Variants in DOCK8 observed in about 807,000 individuals in gnomAD.
The protein encoded by DOCK8 is dedicator of cytokinesis 8, also known as dedicator of cytokinesis protein 8.
A neutral mutation model predicts 245.6 loss-of-function variants in DOCK8; 141 were observed. The ratio of observed to expected loss-of-function variants is 0.57; its 90% CI spans 0.50 to 0.66. The LOEUF is 0.66. Ranked by LOEUF, DOCK8 falls within the 30% of genes least tolerant of loss-of-function variation. The pLI is 0.00. For synonymous variants in DOCK8, 1,168 were observed against 970.2 expected (o/e 1.20, Z -3.79); for missense variants, 2,965 against 2,603.4 (o/e 1.14, Z -3.02).
intron 26 of DOCK8, among the ~76,000 whole-genome samples, chr9:403,280 A>C (rs1407902159): frequency 1.3e-5 from 2 of 152,178 alleles, no homozygotes; most frequent in African/African-American, 2.4e-5. Context: ...TGTGGGTTCA[A>C]GTTCCGATAG....
intron 28 of DOCK8, among the ~76,000 whole-genome samples, chr9:412,739 A>G (rs183049462): frequency 6.6e-6 from 1 of 152,330 alleles, no homozygotes; most frequent in African/African-American, 2.4e-5. Flanking sequence ...AAAAATGACA[A>G]AACACTGTTG....
chr9:400,964 A>AGCT (rs1564016879), intron 26 of DOCK8, among the ~76,000 whole-genome samples: 64 of 111,512 alleles, frequency 5.7e-4, no homozygotes, highest in Non-Finnish European at 9.1e-4. Flanking sequence ...CACCACCACC[A>AGCT]CCTCCTCCAC....
At chr9:400,333 ACCTCCT>A (rs1378802305) in intron 26 of DOCK8, among the ~76,000 whole-genome samples, 4 of 82,080 alleles carry the variant, frequency 4.9e-5, no homozygotes, top group Non-Finnish European at 9.5e-5. Context: ...CACCACCACC[ACCTCCT>A]CCACCACCAC....
intron 10 of DOCK8, 37 bp from the exon 11 acceptor site, chr9:334,188 T>C (rs563387957): frequency 1.9e-6 from 3 of 1,613,644 alleles, no homozygotes; most frequent in South Asian, 2.2e-5. Context: ...TTGGTGCTGA[T>C]GCTTGTTTCA....
chr9:416,433 T>C (rs1564037381), intron 29 of DOCK8, among the ~76,000 whole-genome samples: 1 of 152,224 alleles, frequency 6.6e-6, no homozygotes, highest in Non-Finnish European at 1.5e-5. Context: ...ATATTCCGTA[T>C]CAGTGACTCG....
intron 33 of DOCK8, among the ~76,000 whole-genome samples, chr9:425,507 C>G (rs1478198819): frequency 6.8e-6 from 1 of 147,374 alleles, no homozygotes; most frequent in African/African-American, 2.6e-5. Context: ...ACTCTGCACT[C>G]CAGCCTGGGC....
intron 29 of DOCK8, 148 bp downstream of exon 29, chr9:415,099 G>A (rs557716603): frequency 8.9e-7 from 1 of 1,127,070 alleles, no homozygotes; most frequent in East Asian, 2.4e-5. Flanking sequence ...CTTTAACACT[G>A]GCCCCAATCA....
chr9:356,143 G>T (rs1439928788), intron 14 of DOCK8, among the ~76,000 whole-genome samples: 2 of 152,128 alleles, frequency 1.3e-5, no homozygotes, highest in East Asian at 3.8e-4. Context: ...ACCACATCCT[G>T]GGTTCCAAGG....
chr9:242,630 T>C (rs989772543), intron 1 of DOCK8, among the ~76,000 whole-genome samples: 2 of 152,164 alleles, frequency 1.3e-5, no homozygotes, highest in African/African-American at 4.8e-5. Context: ...TGAAACTGAG[T>C]ACGGTTATGC....
rs1187310938 is a variant in DOCK8, at chr9:334,454, A to G, written c.1285+70A>G. On this transcript the variant is annotated intron_variant, in intron 11 of 47. Transcript: ENST00000432829. The stretch of plus-strand genomic sequence containing the variant: ...GCGCTGCCCAGGTCCACAGCTTACT[A>G]GCGGGGACTGGGGGCACAGTGAGGT... 4 of 1,538,966 alleles carry G rather than the reference A, an allele frequency of 2.6e-6. No homozygotes were observed. The Admixed American group carries it at 7.6e-5, about 29-fold the overall frequency.
intron 1 of DOCK8, among the ~76,000 whole-genome samples, chr9:238,979 C>A (rs545161221): frequency 1.3e-5 from 2 of 152,224 alleles, no homozygotes; most frequent in African/African-American, 4.8e-5. Flanking sequence ...TTAGACACAC[C>A]GATTCACCTA....
At chr9:335,894 T>C (rs2130890440) in intron 11 of DOCK8, among the ~76,000 whole-genome samples, 1 of 152,352 alleles carries the variant, frequency 6.6e-6, no homozygotes, top group Admixed American at 6.5e-5. Context: ...GGAACTGCTC[T>C]AGTTCTAAGC....
intron 1 of DOCK8, among the ~76,000 whole-genome samples, chr9:216,537 C>CAAAA (rs59529982): frequency 4.3e-4 from 38 of 88,922 alleles, no homozygotes; most frequent in African/African-American, 1.5e-3. Flanking sequence ...AAAAAACAGA[C>CAAAA]AAAAAAAAAA....
In DOCK8 at chr9:446,609, A is replaced by G; in HGVS notation, c.5817+3A>G. Reference sequence around the variant, plus strand: ...TCAGCGTCATCCAGAAGGAGGAGGTAATGCACCCAAGGGATTGGCCACCAC... The same window carrying G: ...TCAGCGTCATCCAGAAGGAGGAGGTGATGCACCCAAGGGATTGGCCACCAC... On this transcript the variant is annotated splice_donor_region_variant and intron_variant, in intron 44 of 47. Coordinates refer to ENST00000432829, the MANE Select transcript of DOCK8 (RefSeq NM_203447.4). 6.2e-7 allele frequency: 1 copy of G among 1,613,950 alleles called. No individual in the cohort carries two copies. The highest frequency in any genetic ancestry group is 2.2e-5 in the East Asian group (1 of 44,862).
chr9:281,469 G>C (rs867925813), intron 2 of DOCK8, among the ~76,000 whole-genome samples: 2 of 151,996 alleles, frequency 1.3e-5, no homozygotes, highest in Non-Finnish European at 2.9e-5. Context: ...TGGCTTTTGA[G>C]CTTCCAGGGA....
chr9:217,172 T>A lies in DOCK8; in HGVS notation c.53+2143T>A, dbSNP rs570239986. On this transcript the variant is annotated intron_variant, in intron 1 of 47. Coordinates refer to ENST00000432829, the MANE Select transcript of DOCK8 (RefSeq NM_203447.4). ...GTTAATGATTTTCATGTTGATTGCATGTTGCTTGTAGTGTCTGGCTCAGAA... is the reference window on the plus strand; with the variant it reads ...GTTAATGATTTTCATGTTGATTGCAAGTTGCTTGTAGTGTCTGGCTCAGAA... Among the ~76,000 whole-genome samples, 9 of 152,348 alleles carry A rather than the reference T, an allele frequency of 5.9e-5. No individual in the cohort carries two copies. The South Asian group carries it at 1.9e-3, about 32-fold the overall frequency.
intron 1 of DOCK8, among the ~76,000 whole-genome samples, chr9:231,575 A>G (rs1472453861): frequency 6.6e-6 from 1 of 151,882 alleles, no homozygotes; most frequent in Non-Finnish European, 1.5e-5. Flanking sequence ...CTTTTATTTC[A>G]TTGAGCAGTG....
intron 1 of DOCK8, among the ~76,000 whole-genome samples, chr9:224,278 G>C (rs960943281): frequency 6.6e-6 from 1 of 151,992 alleles, no homozygotes; most frequent in African/African-American, 2.4e-5. Context: ...TTTCTCCCCC[G>C]ATGAATATAC....
chr9:455,446 G>C (rs1312788316), intron 46 of DOCK8, among the ~76,000 whole-genome samples: 1 of 152,144 alleles, frequency 6.6e-6, no homozygotes, highest in Non-Finnish European at 1.5e-5. Flanking sequence ...GGAGGTCAAG[G>C]CTGCAATGAG....
Sources: allele counts gnomAD v4.1 joint callset (sites outside exome capture counted in the v4.1 genomes callset), GRCh38; gene constraint gnomAD v4.1.1; transcripts MANE v1.5; gene names NCBI Gene and HGNC (gene_info 2026-07-23, HGNC 2026-07-21).